Variants in SPECC1L observed in about 807,000 individuals in gnomAD.
The protein encoded by SPECC1L is sperm antigen with calponin homology and coiled-coil domains 1 like.
SPECC1L carries 40 observed loss-of-function variants against 116.8 expected under a neutral mutation model. The ratio of observed to expected loss-of-function variants is 0.34; its 90% CI spans 0.27 to 0.45. SPECC1L has a LOEUF of 0.45. SPECC1L is among the 20% of genes least tolerant of loss of function. The pLI is 1.00. For missense variants in SPECC1L, 1,110 were observed against 1,373.6 expected (o/e 0.81, Z 3.03); for synonymous variants, 504 against 500.6 (o/e 1.01, Z -0.09).
chr22:24,321,515 G>A lies in SPECC1L; in HGVS notation c.535G>A (p.Ala179Thr). 6.2e-7 allele frequency: 1 copy of A among 1,614,242 alleles called. No individual in the cohort carries two copies. Among genetic ancestry groups the A allele is most frequent in the Non-Finnish European group, 8.5e-7 (1 of 1,180,048 alleles). Residue 179 changes from alanine (A) to threonine (T), a missense_variant, in exon 5 of 17, where the codon GCT (alanine) becomes ACT (threonine). Ala to Thr is a moderately conservative substitution (Grantham distance 58). This residue lies in a region of SPECC1L where 437 missense variants were observed against 482.6 expected (regional missense o/e 0.91). Transcript: ENST00000314328. Reference protein sequence around the residue: ...SKSDNQISDRAALEAKVKDLL... With the variant: ...SKSDNQISDRTALEAKVKDLL... ...GTCAGACAATCAGATCAGTGACAGA[G>A]CTGCTTTGGAGGCCAAAGTGAAGGA... is the stretch of plus-strand genomic sequence containing the variant.
chr22:24,286,718 G>A (rs73396345), intron 2 of SPECC1L, among the ~76,000 whole-genome samples: 1,992 of 152,174 alleles, frequency 0.013, 26 homozygotes, highest in African/African-American at 0.045. Flanking sequence ...GTAAGAGTTA[G>A]GATTTACTTC....
chr22:24,409,213 G>A (rs1175049631), intron 14 of SPECC1L, among the ~76,000 whole-genome samples: 1 of 152,168 alleles, frequency 6.6e-6, no homozygotes, highest in Non-Finnish European at 1.5e-5. Context: ...GGAGTATAAA[G>A]TGCTCCCCAG....
rs1442811674 is a variant in SPECC1L, at chr22:24,412,673, A to G, written c.3230A>G (p.Gln1077Arg). The G allele has an allele frequency of 6.2e-7, 1 of 1,614,066 alleles. No homozygotes were observed. Among genetic ancestry groups the G allele is most frequent in the African/African-American group, 1.3e-5 (1 of 74,938 alleles). The change falls in exon 16 of 17, where the codon CAG (glutamine) becomes CGG (arginine). Residue 1077 changes from glutamine (Q) to arginine (R), a missense_variant. Gln to Arg is a conservative substitution (Grantham distance 43, BLOSUM62 1). This residue lies in a region of SPECC1L where 76 missense variants were observed against 148.5 expected (regional missense o/e 0.51). Transcript: ENST00000314328. ...DKRRNFMLAF[Q>R]AAESVGIKST... ...AGAAGGAACTTCATGCTGGCTTTCC[A>G]GGCAGCTGAAAGTGTCGGCATCAAA... is the stretch of plus-strand genomic sequence containing the variant.
intron 1 of SPECC1L, among the ~76,000 whole-genome samples, chr22:24,272,793 C>G (rs2048755870): frequency 6.6e-6 from 1 of 152,092 alleles, no homozygotes; most frequent in African/African-American, 2.4e-5. Flanking sequence ...AATGGCTAAT[C>G]CAGTATTTTT....
intron 9 of SPECC1L, 33 bp downstream of exon 9, chr22:24,334,606 A>T (rs201614987): frequency 1.2e-6 from 2 of 1,611,962 alleles, no homozygotes; most frequent in Non-Finnish European, 1.7e-6. Flanking sequence ...TGCCTACTGC[A>T]TGCGGTTGTG....
At chr22:24,345,137 T>C (rs1601586811) in intron 10 of SPECC1L, among the ~76,000 whole-genome samples, 1 of 152,128 alleles carries the variant, frequency 6.6e-6, no homozygotes, top group African/African-American at 2.4e-5. Flanking sequence ...ATTTCAACAT[T>C]AGATCAGTAG....
At position 24,322,053 on chromosome 22, in the gene SPECC1L, C is replaced by T. The variant is rs200113830; in HGVS notation, c.1073C>T (p.Ser358Leu). The T allele has an allele frequency of 1.2e-5, 20 of 1,614,156 alleles. No homozygotes were observed. The highest frequency in any genetic ancestry group is 1.6e-4 in the Middle Eastern group (1 of 6,062). ...AGTGAGGTCTACCAGCCCCTCACAT[C>T]GAGCGATGATGCGCTGGATGCACCA... ...ECSEVYQPLT[S>L]SDDALDAPSS... The change falls in exon 5 of 17, where the codon TCG becomes TTG. Residue 358 changes from serine to leucine, a missense_variant. By Grantham distance (145) the Ser-to-Leu change is moderately radical. Transcript: ENST00000314328.
intron 6 of SPECC1L, among the ~76,000 whole-genome samples, chr22:24,326,613 A>G (rs964301692): frequency 6.6e-6 from 1 of 152,270 alleles, no homozygotes; most frequent in African/African-American, 2.4e-5. Flanking sequence ...TTGTCTCAAC[A>G]CAAGACTAGC....
chr22:24,412,215 G>T, intron 15 of SPECC1L: 1 of 355,964 alleles, frequency 2.8e-6, no homozygotes, highest in South Asian at 2.3e-5. Context: ...CTACCCAGAG[G>T]GCCACTGGAG....
intron 14 of SPECC1L, among the ~76,000 whole-genome samples, chr22:24,395,568 T>A (rs1274805293): frequency 6.6e-6 from 1 of 152,200 alleles, no homozygotes; most frequent in Non-Finnish European, 1.5e-5. Flanking sequence ...TTAAGAGACA[T>A]TTTCATGGAT....
At chr22:24,308,527 G>C (rs992541509) in intron 3 of SPECC1L, among the ~76,000 whole-genome samples, 1 of 152,224 alleles carries the variant, frequency 6.6e-6, no homozygotes, top group African/African-American at 2.4e-5. Context: ...TGGCTTCCAT[G>C]TTTTCCATTG....
At chr22:24,273,972 G>A (rs772708085) in intron 1 of SPECC1L, among the ~76,000 whole-genome samples, 1 of 152,174 alleles carries the variant, frequency 6.6e-6, no homozygotes, top group South Asian at 2.1e-4. Flanking sequence ...TGGTCAGGCT[G>A]GTCTGGAACT....
chr22:24,309,796 T>C (rs2146430768), intron 3 of SPECC1L, among the ~76,000 whole-genome samples: 1 of 152,362 alleles, frequency 6.6e-6, no homozygotes, highest in South Asian at 2.1e-4. Context: ...GGTTGTGTTG[T>C]TCATTTGAAA....
chr22:24,288,154 G>A (rs1470861441), intron 2 of SPECC1L, among the ~76,000 whole-genome samples: 1 of 152,138 alleles, frequency 6.6e-6, no homozygotes, highest in Non-Finnish European at 1.5e-5. Context: ...CTTTTTTACG[G>A]AACGATTTAC....
intron 13 of SPECC1L, among the ~76,000 whole-genome samples, chr22:24,367,142 G>A (rs375835725): frequency 1.3e-5 from 2 of 152,312 alleles, no homozygotes; most frequent in South Asian, 2.1e-4. Flanking sequence ...TGCAGTGAGC[G>A]AGATCGTGCG....
chr22:24,408,232 G>A (rs551051180), intron 14 of SPECC1L, among the ~76,000 whole-genome samples: 2 of 152,318 alleles, frequency 1.3e-5, no homozygotes, highest in Non-Finnish European at 2.9e-5. Context: ...GATTGCATGC[G>A]TGTGCGTGTG....
At chr22:24,409,828 C>A (rs1024854137) in intron 14 of SPECC1L, among the ~76,000 whole-genome samples, 1 of 152,080 alleles carries the variant, frequency 6.6e-6, no homozygotes, top group Non-Finnish European at 1.5e-5. Flanking sequence ...AGTTTCAGAC[C>A]AGCCTGGGCG....
intron 1 of SPECC1L, among the ~76,000 whole-genome samples, chr22:24,273,809 A>C (rs1175385063): frequency 6.6e-6 from 1 of 152,168 alleles, no homozygotes; most frequent in Non-Finnish European, 1.5e-5. Flanking sequence ...CCCAGGCTGG[A>C]GTCTAATGGC....
intron 9 of SPECC1L, 68 bp downstream of exon 9, chr22:24,334,641 C>A: frequency 1.3e-6 from 2 of 1,546,344 alleles, no homozygotes; most frequent in Non-Finnish European, 1.8e-6. Flanking sequence ...ATTCTCTGGT[C>A]TGATTTGGTA....
Sources: gnomAD v4.1 joint callset for allele counts (sites outside exome capture counted in the v4.1 genomes callset) on GRCh38, gnomAD v4.1.1 for gene constraint, gnomAD v4.1.1 regional missense constraint, MANE v1.5 for transcripts, NCBI Gene and HGNC (gene_info 2026-07-23, HGNC 2026-07-21) for gene names.